Variants in ERC1 observed in about 807,000 individuals in gnomAD.
The protein encoded by ERC1 is RAB6 interacting protein 2.
A neutral mutation model predicts 132.0 loss-of-function variants in ERC1; 56 were observed. The ratio of observed to expected loss-of-function variants is 0.42; its 90% confidence interval spans 0.34 to 0.53. ERC1 has a LOEUF of 0.53. Ranked by LOEUF, ERC1 falls within the 20% of genes least tolerant of loss-of-function variation. The pLI is 0.03. For synonymous variants in ERC1, 478 were observed against 476.1 expected (o/e 1.00, Z -0.05); for missense variants, 1,202 against 1,349.9 (o/e 0.89, Z 1.72).
At chr12:1,464,897 A>C (rs2093714758) in intron 18 of ERC1, among the ~76,000 whole-genome samples, 2 of 151,996 alleles carry the variant, frequency 1.3e-5, no homozygotes, top group South Asian at 2.1e-4. Flanking sequence ...TAAAATATGA[A>C]TATGGAATAT....
intron 17 of ERC1, among the ~76,000 whole-genome samples, chr12:1,421,549 A>G (rs962000847): frequency 2.0e-5 from 3 of 152,172 alleles, no homozygotes; most frequent in African/African-American, 7.2e-5. Flanking sequence ...TGGTATGAGT[A>G]ACAGGTCCGA....
At chr12:1,038,939 C>T (rs115844132) in intron 2 of ERC1, among the ~76,000 whole-genome samples, 3 of 152,182 alleles carry the variant, frequency 2.0e-5, no homozygotes, top group South Asian at 2.1e-4. Flanking sequence ...AACGATGGCT[C>T]GTGCCTGTAG....
chr12:1,447,389 G>A (rs1413253606), intron 18 of ERC1, among the ~76,000 whole-genome samples: 1 of 151,502 alleles, frequency 6.6e-6, no homozygotes, highest in Non-Finnish European at 1.5e-5. Flanking sequence ...GGTGTCACAC[G>A]CCTGTAGTCC....
intron 15 of ERC1, among the ~76,000 whole-genome samples, chr12:1,366,369 A>G (rs994580990): frequency 6.6e-6 from 1 of 152,228 alleles, no homozygotes; most frequent in Admixed American, 6.5e-5. Flanking sequence ...TTTACAGAGC[A>G]AATGCCTGTT....
At chr12:1,392,765 A>G (rs1253859137) in intron 16 of ERC1, among the ~76,000 whole-genome samples, 2 of 152,236 alleles carry the variant, frequency 1.3e-5, no homozygotes, top group African/African-American at 4.8e-5. Flanking sequence ...TTCTATAATT[A>G]ACAACTTTTT....
At chr12:1,312,643 A>G (rs1274997379) in intron 15 of ERC1, among the ~76,000 whole-genome samples, 2 of 152,140 alleles carry the variant, frequency 1.3e-5, no homozygotes, top group Admixed American at 1.3e-4. Flanking sequence ...ACAGGCGTGA[A>G]CCACCACACC....
At position 1,318,818 on chromosome 12, in the gene ERC1, G is replaced by A. The variant is rs566508726; in HGVS notation, c.2780+28806G>A. Among the ~76,000 whole-genome samples, 11 of 152,174 alleles carry A rather than the reference G, an allele frequency of 7.2e-5. No homozygotes were observed. In the East Asian group the frequency reaches 1.9e-3, roughly 27 times the overall value. On this transcript the variant is annotated intron_variant, in intron 15 of 18. Coordinates refer to ENST00000360905, the MANE Select transcript of ERC1 (RefSeq NM_178040.4). ...GGCTGTTGGCACTGAGCTGCAGAGC[G>A]TGTGGGTCTCTCGGTGAGGCCTCCA... is the stretch of plus-strand genomic sequence containing the variant.
intron 12 of ERC1, among the ~76,000 whole-genome samples, chr12:1,212,575 G>A (rs1957978101): frequency 6.6e-6 from 1 of 152,140 alleles, no homozygotes; most frequent in Non-Finnish European, 1.5e-5. Flanking sequence ...CTAAAGACGG[G>A]GTCCTTGTCA....
At chr12:1,260,493 T>C (rs2077074193) in intron 13 of ERC1, among the ~76,000 whole-genome samples, 1 of 152,244 alleles carries the variant, frequency 6.6e-6, no homozygotes, top group Non-Finnish European at 1.5e-5. Flanking sequence ...AGCAGTGCTG[T>C]TGATACTCTG....
intron 16 of ERC1, among the ~76,000 whole-genome samples, chr12:1,373,022 GTC>G (rs1271160455): frequency 6.6e-6 from 1 of 152,168 alleles, no homozygotes; most frequent in Non-Finnish European, 1.5e-5. Context: ...ACCAAAAGAT[GTC>G]TTTTTTCTGC....
rs73606385 is a variant in ERC1, at chr12:1,018,458, G to A, written c.-156-9290G>A. 7.8e-4 allele frequency among the ~76,000 whole-genome samples: 119 copies of A among 152,140 alleles called. 1 individual carries two copies. The highest frequency in any genetic ancestry group is 6.2e-3 in the South Asian group (30 of 4,828). On this transcript the variant is annotated intron_variant, in intron 1 of 18. Transcript: ENST00000360905. The stretch of plus-strand genomic sequence containing the variant: ...TCGAACTCCTGACCTCAAGTGATCC[G>A]CCTGCCTCGGCCTCCCAAAGTGCTG...
At chr12:1,455,844 A>G (rs568516944) in intron 18 of ERC1, among the ~76,000 whole-genome samples, 35 of 152,356 alleles carry the variant, frequency 2.3e-4, no homozygotes, top group East Asian at 1.9e-4. Context: ...TGAGTTTTAC[A>G]TAAACACTGT....
chr12:1,209,520 A>G (rs1011301109), intron 12 of ERC1, among the ~76,000 whole-genome samples: 17 of 151,150 alleles, frequency 1.1e-4, no homozygotes, highest in African/African-American at 2.7e-4. Flanking sequence ...GTGTTGTCCT[A>G]TTTATCAACA....
intron 15 of ERC1, among the ~76,000 whole-genome samples, chr12:1,320,256 G>A (rs942714293): frequency 3.3e-5 from 5 of 152,112 alleles, no homozygotes; most frequent in South Asian, 4.1e-4. Flanking sequence ...ACATAATGGC[G>A]TATTTTATTT....
intron 15 of ERC1, among the ~76,000 whole-genome samples, chr12:1,333,828 T>C (rs1184005012): frequency 6.6e-6 from 1 of 152,236 alleles, no homozygotes; most frequent in African/African-American, 2.4e-5. Context: ...GGAATCATCA[T>C]GCTGTCTTCC....
At chr12:1,065,593 T>G (rs915545509) in intron 2 of ERC1, among the ~76,000 whole-genome samples, 5 of 49,940 alleles carry the variant, frequency 1.0e-4, no homozygotes, top group Admixed American at 6.9e-4. Context: ...TTTCTTTTTT[T>G]GGGGCGGGGG....
intron 8 of ERC1, among the ~76,000 whole-genome samples, chr12:1,155,197 G>A (rs1476067150): frequency 1.3e-5 from 2 of 151,602 alleles, no homozygotes; most frequent in South Asian, 2.1e-4. Flanking sequence ...ATATTGGTAC[G>A]TGCCTGTAGT....
At chr12:1,359,253 C>T (rs1013654772) in intron 15 of ERC1, among the ~76,000 whole-genome samples, 15 of 152,242 alleles carry the variant, frequency 9.9e-5, no homozygotes, top group African/African-American at 3.1e-4. Flanking sequence ...ATTTTCTTTA[C>T]GAGTTCTGTC....
intron 15 of ERC1, among the ~76,000 whole-genome samples, chr12:1,309,957 TTTTG>T (rs1476376646): frequency 1.9e-4 from 28 of 149,026 alleles, no homozygotes; most frequent in African/African-American, 5.0e-4. Context: ...TTTTGTTTTG[TTTTG>T]TTTTGAGACA....
Sources: gnomAD v4.1 joint callset for allele counts (sites outside exome capture counted in the v4.1 genomes callset) on GRCh38, gnomAD v4.1.1 for gene constraint, MANE v1.5 for transcripts, NCBI Gene and HGNC (gene_info 2026-07-23, HGNC 2026-07-21) for gene names.